LRIG3: variants seen among roughly 807,000 people sequenced by gnomAD.
The protein encoded by LRIG3 is leucine rich repeats and immunoglobulin like domains 3.
A neutral mutation model predicts 114.5 loss-of-function variants in LRIG3; 76 were observed. That is an observed-to-expected ratio of 0.66 (90% CI 0.55 to 0.80). The LOEUF is 0.80. Among genes scored for constraint, LRIG3 ranks in the 30% least tolerant of loss-of-function variants. The pLI is 0.00. For synonymous variants in LRIG3, 512 were observed against 519.8 expected (o/e 0.98, Z 0.20); for missense variants, 1,239 against 1,382.8 (o/e 0.90, Z 1.65).
Position 58,920,249 on chromosome 12 carries a change from C to G in LRIG3, c.-14G>C. 1 of 1,352,614 alleles carries G rather than the reference C, an allele frequency of 7.4e-7. No homozygotes were observed. The highest frequency in any genetic ancestry group is 9.4e-7 in the Non-Finnish European group (1 of 1,059,990). The allele number at this position is 1,352,614 out of a possible 1,614,324, so 83.8% of individuals were successfully genotyped here. A position where few individuals can be genotyped will look rare whatever the true frequency, so the allele number is the denominator to read the frequency against. On this transcript the variant is annotated 5_prime_UTR_variant, in exon 1 of 19. Coordinates refer to ENST00000320743, the MANE Select transcript of LRIG3 (RefSeq NM_153377.5). ...CGGCGCGCTCATCGCGGTCCAGCGG[C>G]CTAGGTCTCTACCCGAAGCTCCCAG...
At chr12:58,916,065 AT>A in intron 1 of LRIG3, among the ~76,000 whole-genome samples, 1 of 152,212 alleles carries the variant, frequency 6.6e-6, no homozygotes, top group Non-Finnish European at 1.5e-5. Context: ...TCTCTTTTTA[AT>A]TAAAAATAAA....
At chr12:58,915,670 G>A (rs1872454002) in intron 1 of LRIG3, among the ~76,000 whole-genome samples, 1 of 152,164 alleles carries the variant, frequency 6.6e-6, no homozygotes, top group Non-Finnish European at 1.5e-5. Context: ...ATCTGGCACA[G>A]TCTTTAAACT....
At chr12:58,879,149 T>TA in intron 13 of LRIG3, 44 bp from the exon 14 acceptor site, 1 of 1,545,432 alleles carries the variant, frequency 6.5e-7, no homozygotes, top group South Asian at 1.2e-5. Flanking sequence ...AGTGGAGTCT[T>TA]ACAGGTTCAC....
chr12:58,888,513 A>C (rs766156576), intron 6 of LRIG3, 41 bp from the exon 7 acceptor site: 6 of 1,605,924 alleles, frequency 3.7e-6, no homozygotes, highest in African/African-American at 1.3e-5. Flanking sequence ...TCAAAACTTC[A>C]TTATCTAGTC....
intron 1 of LRIG3, chr12:58,919,452 A>G: frequency 6.4e-7 from 1 of 1,551,664 alleles, no homozygotes; most frequent in Non-Finnish European, 8.7e-7. Flanking sequence ...AAAAGCAAGC[A>G]GAGGGAGAAC....
rs1052778400 is a variant in LRIG3 at position 58,920,074 on chromosome 12, G to A, written c.162C>T (p.Leu54=). Residue 54 remains leucine (L), a synonymous_variant, in exon 1 of 19, where the codon CTC becomes CTT. Transcript: ENST00000320743. ...ERPCPTTCRC[L]GDLLDCSRKR... ...TACGACTGCAGTCCAGCAGGTCCCC[G>A]AGGCAGCGGCAGGTAGTGGGGCATG... is the stretch of plus-strand genomic sequence containing the variant. 9 of 1,556,516 alleles carry A rather than the reference G, an allele frequency of 5.8e-6. No homozygotes were observed. The African/African-American group carries it at 1.1e-4, about 19-fold the overall frequency.
At chr12:58,894,585 G>C (rs1395440052) in intron 3 of LRIG3, among the ~76,000 whole-genome samples, 2 of 150,604 alleles carry the variant, frequency 1.3e-5, no homozygotes, top group Non-Finnish European at 2.9e-5. Flanking sequence ...ACTTCTAGTA[G>C]ACAGAGATTC....
intron 9 of LRIG3, among the ~76,000 whole-genome samples, chr12:58,886,516 G>T (rs1475838371): frequency 6.6e-6 from 1 of 151,420 alleles, no homozygotes; most frequent in Non-Finnish European, 1.5e-5. Flanking sequence ...TAACTTTTAC[G>T]CAATGATAAT....
At chr12:58,914,201 G>T in intron 2 of LRIG3, 64 bp downstream of exon 2, 1 of 1,533,310 alleles carries the variant, frequency 6.5e-7, no homozygotes, top group Non-Finnish European at 9.0e-7. Context: ...ATTCCTTACG[G>T]TTAAATAGTA....
chr12:58,916,819 T>A (rs1872497911), intron 1 of LRIG3, among the ~76,000 whole-genome samples: 1 of 152,244 alleles, frequency 6.6e-6, no homozygotes, highest in African/African-American at 2.4e-5. Context: ...AGCAAATGAA[T>A]AAATATATAT....
intron 9 of LRIG3, 123 bp downstream of exon 9, chr12:58,886,687 T>A (rs1000737449): frequency 4.5e-5 from 32 of 710,950 alleles, no homozygotes; most frequent in Non-Finnish European, 6.4e-5. Flanking sequence ...GGATCAAGGG[T>A]GGTAACCAGA....
At chr12:58,907,043 TC>T (rs1872093308) in intron 3 of LRIG3, among the ~76,000 whole-genome samples, 1 of 150,844 alleles carries the variant, frequency 6.6e-6, no homozygotes, top group Admixed American at 6.6e-5. Context: ...CCCTGCAAAC[TC>T]ACACAAGTTT....
chr12:58,872,559 G>T lies in LRIG3; in HGVS notation c.*13C>A. ...AGGTAGTATGTTAAGCTTTTCCTTT[G>T]GTCTCATTCAGTCTATGTGTCCAAG... On this transcript the variant is annotated 3_prime_UTR_variant, in exon 19 of 19. Transcript: ENST00000320743. The T allele has an allele frequency of 1.3e-6, 2 of 1,585,802 alleles. No homozygotes were observed. Among genetic ancestry groups the T allele is most frequent in the South Asian group, 1.1e-5 (1 of 87,396 alleles).
chr12:58,877,305 T>G, intron 15 of LRIG3, 95 bp downstream of exon 15: 5 of 1,270,992 alleles, frequency 3.9e-6, no homozygotes, highest in Non-Finnish European at 5.5e-6. Flanking sequence ...CCTTCTGAGA[T>G]GAACTCAGAC....
intron 16 of LRIG3, 33 bp downstream of exon 16, chr12:58,876,412 C>G (rs1011229276): frequency 2.5e-6 from 4 of 1,605,586 alleles, no homozygotes; most frequent in Non-Finnish European, 3.4e-6. Flanking sequence ...GACTTCAAAA[C>G]AATTACAGCC....
At position 58,883,017 on chromosome 12, in the gene LRIG3, T is replaced by A. The variant is rs758992085; in HGVS notation, c.1332A>T (p.Ser444=). ...KKLQQLHLNT[S]SLLCDCQLKW... is the part of the protein sequence containing the mutation. Reference sequence around the variant, plus strand: ...TTAGCTGGCAATCGCACAAAAGGCTTGATGTATTTAAATGCCTGAGGAGAG... The same window carrying A: ...TTAGCTGGCAATCGCACAAAAGGCTAGATGTATTTAAATGCCTGAGGAGAG... The change falls in exon 12 of 19, where the codon TCA becomes TCT. Residue 444 remains serine, a synonymous_variant. Transcript: ENST00000320743. 8.1e-6 allele frequency: 13 copies of A among 1,613,106 alleles called. No individual in the cohort carries two copies. The highest frequency in any genetic ancestry group is 1.0e-5 in the Non-Finnish European group (12 of 1,179,580).
At chr12:58,893,895 C>CGCTTGT (rs1422435380) in intron 3 of LRIG3, among the ~76,000 whole-genome samples, 1 of 152,096 alleles carries the variant, frequency 6.6e-6, no homozygotes. Context: ...AGTATAGCTA[C>CGCTTGT]GCTTGTATTT....
At chr12:58,875,612 C>T (rs1870890116) in intron 16 of LRIG3, among the ~76,000 whole-genome samples, 1 of 152,184 alleles carries the variant, frequency 6.6e-6, no homozygotes, top group Non-Finnish European at 1.5e-5. Flanking sequence ...AGTACCTCAC[C>T]AGAAAGTATT....
intron 13 of LRIG3, among the ~76,000 whole-genome samples, chr12:58,879,855 T>G (rs555505130): frequency 1.6e-4 from 24 of 152,214 alleles, no homozygotes; most frequent in Non-Finnish European, 2.5e-4. Context: ...GATGTGGAAC[T>G]GGAGGCGGAG....
Sources: gnomAD v4.1 joint callset for allele counts (sites outside exome capture counted in the v4.1 genomes callset) on GRCh38, gnomAD v4.1.1 for gene constraint, MANE v1.5 for transcripts, NCBI Gene and HGNC (gene_info 2026-07-23, HGNC 2026-07-21) for gene names.